AKAP8L: variants seen among roughly 807,000 people sequenced by gnomAD.
The protein encoded by AKAP8L is A-kinase anchoring protein 8 like.
A neutral mutation model predicts 77.5 loss-of-function variants in AKAP8L; 34 were observed. The ratio of observed to expected loss-of-function variants is 0.44; its 90% CI spans 0.33 to 0.58. AKAP8L has a LOEUF of 0.58. Among genes scored for constraint, AKAP8L ranks in the 20% least tolerant of loss-of-function variants. The pLI is 0.02. For missense variants in AKAP8L, 806 were observed against 887.6 expected, an observed-to-expected ratio of 0.91 and a Z score of 1.17; for synonymous variants, 342 against 340.7, an observed-to-expected ratio of 1.00 and a Z score of -0.04.
intron 1 of AKAP8L, among the ~76,000 whole-genome samples, chr19:15,418,528 C>T (rs928261835): frequency 6.6e-6 from 1 of 152,158 alleles, no homozygotes; most frequent in Admixed American, 6.5e-5. Flanking sequence ...ACAATGGCGA[C>T]GGCAGCCGAG....
intron 1 of AKAP8L, among the ~76,000 whole-genome samples, chr19:15,412,365 G>A (rs1460174506): frequency 2.0e-5 from 3 of 152,110 alleles, no homozygotes; most frequent in Non-Finnish European, 4.4e-5. Flanking sequence ...CTGGGTAATA[G>A]AGCAAGACTC....
At position 15,380,605 on chromosome 19, in the gene AKAP8L, A is replaced by G. The variant is rs1472475892; in HGVS notation, c.1544T>C (p.Met515Thr). 1.2e-6 allele frequency: 2 copies of G among 1,613,468 alleles called. No individual in the cohort carries two copies. The highest frequency in any genetic ancestry group is 1.7e-6 in the Non-Finnish European group (2 of 1,179,864). The stretch of plus-strand genomic sequence containing the variant: ...GAGGGAGGACTTCTTGGACTGCTCC[A>G]TCATGAGCTGCGGGCAGGGCAGAAG... ...MDHNRNRRLM[M>T]EQSKKSSLMV... The change falls in exon 13 of 14, where the codon ATG becomes ACG. Residue 515 changes from methionine to threonine, a missense_variant. Physicochemically the swap from Met to Thr is moderately conservative, Grantham distance 81. This residue lies in a region of AKAP8L where 226 missense variants were observed against 193.5 expected (regional missense o/e 1.17). Transcript: ENST00000397410.
At chr19:15,404,949 G>C (rs1465034345) in intron 2 of AKAP8L, among the ~76,000 whole-genome samples, 1 of 152,238 alleles carries the variant, frequency 6.6e-6, no homozygotes, top group Non-Finnish European at 1.5e-5. Context: ...GAAGAAATCA[G>C]AGAGAAGCTG....
intron 1 of AKAP8L, among the ~76,000 whole-genome samples, chr19:15,413,917 A>T (rs930427553): frequency 3.9e-5 from 6 of 152,212 alleles, no homozygotes; most frequent in Admixed American, 2.0e-4. Context: ...AAGACGATCC[A>T]TCAAACCCTC....
At chr19:15,410,469 A>T in intron 2 of AKAP8L, 51 bp downstream of exon 2, 1 of 1,484,890 alleles carries the variant, frequency 6.7e-7, no homozygotes, top group Non-Finnish European at 9.2e-7. Flanking sequence ...CTAAGAAGAC[A>T]AGGAACTGCT....
intron 12 of AKAP8L, among the ~76,000 whole-genome samples, chr19:15,395,970 C>T (rs1967764091): frequency 1.5e-5 from 1 of 67,440 alleles, no homozygotes; most frequent in Non-Finnish European, 2.7e-5. Flanking sequence ...GGCGACAGAG[C>T]GAGACTCCGT....
At position 15,399,259 on chromosome 19, in the gene AKAP8L, C is replaced by G. The variant is rs1967839433; in HGVS notation, c.1157+43G>C. 1.3e-6 allele frequency: 2 copies of G among 1,563,950 alleles called. No individual in the cohort carries two copies. The highest frequency in any genetic ancestry group is 2.7e-5 in the African/African-American group (2 of 73,910). On this transcript the variant is annotated intron_variant, in intron 9 of 13. Transcript: ENST00000397410. The surrounding 1 kb of genome is among the most constrained non-coding windows in gnomAD (Gnocchi z 6.1). Reference sequence around the variant, plus strand: ...TGGCCCTGCTCTCCTGGCGGCAGCCCCACAGCGAGGCAGAGGCAGAGGGGT... The same window carrying G: ...TGGCCCTGCTCTCCTGGCGGCAGCCGCACAGCGAGGCAGAGGCAGAGGGGT...
chr19:15,417,756 C>G (rs1318277184), intron 1 of AKAP8L: 1 of 152,222 alleles, frequency 6.6e-6, no homozygotes, highest in Non-Finnish European at 1.5e-5. Flanking sequence ...AAGTAGAATG[C>G]AGGTTACCTG....
intron 12 of AKAP8L, among the ~76,000 whole-genome samples, chr19:15,386,360 T>G (rs1967537785): frequency 6.6e-6 from 1 of 152,172 alleles, no homozygotes; most frequent in African/African-American, 2.4e-5. Context: ...AGGCGTTCCC[T>G]GGAACACTCC....
rs751611212 is a variant in AKAP8L, at chr19:15,380,377, A to T, written c.1686T>A (p.Ala562=). Residue 562 remains alanine (A), a synonymous_variant, in exon 14 of 14, where the codon GCT becomes GCA. Coordinates refer to ENST00000397410, the MANE Select transcript of AKAP8L (RefSeq NM_014371.4). ...SPEEEKEQEE[A]EGGALDEGAQ... is the part of the protein sequence containing the mutation. ...CCCCCTCGTCCAGGGCACCGCCCTC[A>T]GCCTCCTCCTGCTCCTTCTCCTCCT... 1.1e-5 allele frequency: 17 copies of T among 1,573,602 alleles called. No homozygotes were observed. Among genetic ancestry groups the T allele is most frequent in the South Asian group, 5.8e-5 (5 of 86,798 alleles).
chr19:15,407,868 GC>G (rs995624745), intron 2 of AKAP8L, among the ~76,000 whole-genome samples: 4 of 152,102 alleles, frequency 2.6e-5, no homozygotes, highest in African/African-American at 9.7e-5. Context: ...CAAAATCTCA[GC>G]ATGAATTTTT....
At chr19:15,390,645 C>A (rs1967641683) in intron 12 of AKAP8L, among the ~76,000 whole-genome samples, 1 of 152,178 alleles carries the variant, frequency 6.6e-6, no homozygotes, top group African/African-American at 2.4e-5. Context: ...AGACTATTAT[C>A]TTTTATGAAT....
intron 2 of AKAP8L, among the ~76,000 whole-genome samples, chr19:15,406,400 A>AGAGAGAGAGAGAGAGAGG (rs1183555648): frequency 4.1e-5 from 6 of 146,430 alleles, no homozygotes; most frequent in African/African-American, 1.5e-4. Context: ...AGAGAGAGAG[A>AGAGAGAGAGAGAGAGAGG]GAGATCCTTA....
rs115999186 is a variant in AKAP8L at position 15,401,056 on chromosome 19, G to T, written c.817-13C>A. ...TCTTCTTCTTGGTCTGGGTCATAAG[G>T]GGGGGAAGCCGTGTCAGGGTGCATG... On this transcript the variant is annotated splice_polypyrimidine_tract_variant and intron_variant, in intron 5 of 13. Coordinates refer to ENST00000397410, the MANE Select transcript of AKAP8L (RefSeq NM_014371.4). This position sits in a 1 kb window ranked among gnomAD's most constrained non-coding sequence, Gnocchi z 6.2. 346 of 1,611,308 alleles carry T rather than the reference G, an allele frequency of 2.1e-4. 1 individual carries two copies. Among genetic ancestry groups the T allele is most frequent in the African/African-American group, 7.9e-4 (59 of 74,908 alleles).
chr19:15,380,455 A>G (rs2145096568), intron 13 of AKAP8L, 25 bp from the exon 14 acceptor site: 1 of 1,611,396 alleles, frequency 6.2e-7, no homozygotes, highest in South Asian at 1.1e-5. Flanking sequence ...GCGGACACTG[A>G]AGGGAGGGAG....
At position 15,398,147 on chromosome 19, in the gene AKAP8L, A is replaced by C. The variant is rs1290348275; in HGVS notation, c.1158-292T>G. On this transcript the variant is annotated intron_variant, in intron 9 of 13. Transcript: ENST00000397410. The surrounding 1 kb of genome is among the most constrained non-coding windows in gnomAD (Gnocchi z 9.2). ...GCTGCAACAGGCAACGAGTCGCTGG[A>C]AAGTTGCTGGAGGGCCTCGCTACCA... 2 of 449,194 alleles carry C rather than the reference A, an allele frequency of 4.5e-6. No homozygotes were observed. Among genetic ancestry groups the C allele is most frequent in the Admixed American group, 3.5e-5 (1 of 28,794 alleles). 27.8% of individuals were successfully genotyped at this position (449,194 alleles called of 1,614,324 possible).
At chr19:15,384,920 G>A (rs1387229950) in intron 12 of AKAP8L, among the ~76,000 whole-genome samples, 1 of 151,800 alleles carries the variant, frequency 6.6e-6, no homozygotes. Context: ...GCCCAGGCTG[G>A]AGTGCAGTGG....
rs73510115 is a variant in AKAP8L at position 15,400,163 on chromosome 19, C to T, written c.1048+132G>A. On this transcript the variant is annotated intron_variant, in intron 8 of 13. Coordinates refer to ENST00000397410, the MANE Select transcript of AKAP8L (RefSeq NM_014371.4). ...CGGCGAAAAGAAAGCCCCCTGCCAG[C>T]ACACACTCGGGCCCACAAGGGAGGT... The T allele has an allele frequency of 2.2e-3, 1,911 of 882,880 alleles. 32 individuals are homozygous for T. The African/African-American group carries it at 0.029, about 13-fold the overall frequency. The allele number at this position is 882,880 out of a possible 1,614,324, so 54.7% of individuals were successfully genotyped here. A position where few individuals can be genotyped will look rare whatever the true frequency, so the allele number is the denominator to read the frequency against.
chr19:15,382,631 A>ATTC (rs1967443323), intron 12 of AKAP8L, among the ~76,000 whole-genome samples: 1 of 152,242 alleles, frequency 6.6e-6, no homozygotes, highest in Non-Finnish European at 1.5e-5. Flanking sequence ...CCAAAATCTG[A>ATTC]AATGCTTCAA....
Sources: allele counts gnomAD v4.1 joint callset (sites outside exome capture counted in the v4.1 genomes callset), GRCh38; gene constraint gnomAD v4.1.1; regional missense constraint gnomAD v4.1.1; non-coding constraint Gnocchi (gnomAD v3.1); transcripts MANE v1.5; gene names NCBI Gene and HGNC (gene_info 2026-07-23, HGNC 2026-07-21).